The following ZFYVE28 variants were observed in gnomAD, a reference collection of about 807,000 sequenced individuals.
ZFYVE28 encodes the protein lateral signaling target protein 2 homolog.
ZFYVE28 carries 40 observed loss-of-function variants against 82.1 expected under a neutral mutation model. The ratio of observed to expected loss-of-function variants is 0.49; its 90% CI spans 0.38 to 0.63. The LOEUF is 0.63. Among genes scored for constraint, ZFYVE28 ranks in the 30% least tolerant of loss-of-function variants. The pLI is 0.00. For missense variants in ZFYVE28, 1,321 were observed against 1,242.1 expected (o/e 1.06, Z -0.96); for synonymous variants, 612 against 546.1 (o/e 1.12, Z -1.68).
At chr4:2,382,983 G>A (rs931109387) in intron 1 of ZFYVE28, among the ~76,000 whole-genome samples, 2 of 152,064 alleles carry the variant, frequency 1.3e-5, no homozygotes, top group Admixed American at 6.5e-5. Flanking sequence ...GAAAAGCATG[G>A]GAAAGGCCAG....
At chr4:2,399,598 G>A (rs180942660) in intron 1 of ZFYVE28, among the ~76,000 whole-genome samples, 2 of 152,302 alleles carry the variant, frequency 1.3e-5, no homozygotes, top group African/African-American at 4.8e-5. Flanking sequence ...GAATGAATAC[G>A]TGACTGTTTT....
chr4:2,411,594 G>C (rs1243001500), intron 1 of ZFYVE28, among the ~76,000 whole-genome samples: 1 of 152,180 alleles, frequency 6.6e-6, no homozygotes. Context: ...TTTGCCTGAC[G>C]CATACGGGTG....
intron 7 of ZFYVE28, among the ~76,000 whole-genome samples, chr4:2,305,967 G>C (rs888655113): frequency 6.6e-6 from 1 of 152,230 alleles, no homozygotes; most frequent in East Asian, 1.9e-4. Flanking sequence ...ACCAGGACAC[G>C]AGGAAGAAGG....
At chr4:2,314,019 T>TTGGATTTG (rs1560189887) in intron 7 of ZFYVE28, among the ~76,000 whole-genome samples, 1 of 152,208 alleles carries the variant, frequency 6.6e-6, no homozygotes, top group Non-Finnish European at 1.5e-5. Context: ...CCTGCTGGTT[T>TTGGATTTG]TGGATTTGTC....
At chr4:2,274,281 G>T in intron 8 of ZFYVE28, 65 bp from the exon 9 acceptor site, 1 of 1,556,230 alleles carries the variant, frequency 6.4e-7, no homozygotes, top group South Asian at 1.2e-5. Flanking sequence ...GAGCCCGAAG[G>T]TCACTGGTCA....
At chr4:2,380,798 G>C (rs1728654336) in intron 1 of ZFYVE28, among the ~76,000 whole-genome samples, 1 of 152,202 alleles carries the variant, frequency 6.6e-6, no homozygotes, top group Non-Finnish European at 1.5e-5. Flanking sequence ...CATGTAAGAA[G>C]TGCCTTTTGC....
At chr4:2,340,496 A>T (rs572138321) in intron 3 of ZFYVE28, among the ~76,000 whole-genome samples, 13 of 152,208 alleles carry the variant, frequency 8.5e-5, no homozygotes, top group Non-Finnish European at 1.8e-4. Flanking sequence ...CAAGTGATGC[A>T]GGACAAGAAG....
chr4:2,313,209 G>A (rs530808804), intron 7 of ZFYVE28, among the ~76,000 whole-genome samples: 19 of 149,666 alleles, frequency 1.3e-4, no homozygotes, highest in African/African-American at 4.7e-4. Context: ...GTTTCTTTAC[G>A]GTCTGTCATA....
intron 1 of ZFYVE28, among the ~76,000 whole-genome samples, chr4:2,363,326 C>A (rs1458732059): frequency 6.6e-6 from 1 of 152,132 alleles, no homozygotes; most frequent in Admixed American, 6.5e-5. Flanking sequence ...GACGCGGCAT[C>A]CAGAGATAGG....
intron 8 of ZFYVE28, among the ~76,000 whole-genome samples, chr4:2,299,636 GA>G (rs1162257837): frequency 0.05 from 2 of 40 alleles, no homozygotes; most frequent in East Asian, 0.5. Flanking sequence ...GAAGGGAAGG[GA>G]AGGGAGGGGA....
At chr4:2,364,804 CTG>C (rs1010243818) in intron 1 of ZFYVE28, 1 of 985,468 alleles carries the variant, frequency 1.0e-6, no homozygotes, top group African/African-American at 1.7e-5. Flanking sequence ...GAGCGGGTGA[CTG>C]GGAATGGCGG....
chr4:2,294,191 A>G (rs1187099932), intron 8 of ZFYVE28, among the ~76,000 whole-genome samples: 2 of 152,168 alleles, frequency 1.3e-5, no homozygotes, highest in Non-Finnish European at 2.9e-5. Context: ...TGCACTTCCA[A>G]CTAAGGCTTA....
chr4:2,284,852 A>G (rs1040162113), intron 8 of ZFYVE28, among the ~76,000 whole-genome samples: 1 of 152,060 alleles, frequency 6.6e-6, no homozygotes, highest in African/African-American at 2.4e-5. Flanking sequence ...CAGCAGGTAG[A>G]CCCCTCTTCT....
At chr4:2,392,571 C>G in intron 1 of ZFYVE28, among the ~76,000 whole-genome samples, 1 of 152,212 alleles carries the variant, frequency 6.6e-6, no homozygotes, top group African/African-American at 2.4e-5. Flanking sequence ...TCATCCTCTA[C>G]AGTGAATAAA....
chr4:2,345,907 G>T (rs566304401), intron 2 of ZFYVE28, among the ~76,000 whole-genome samples: 40 of 152,104 alleles, frequency 2.6e-4, no homozygotes, highest in African/African-American at 9.6e-4. Context: ...TATTAAGGGG[G>T]AAAAAATATC....
intron 1 of ZFYVE28, among the ~76,000 whole-genome samples, chr4:2,402,659 A>G (rs957543427): frequency 6.6e-6 from 1 of 152,158 alleles, no homozygotes; most frequent in Non-Finnish European, 1.5e-5. Context: ...AACAACACTC[A>G]CACAGATGCC....
rs1044977943 is a variant in ZFYVE28, at chr4:2,334,930, C to T, written c.701+775G>A. ...TCACTCCTCCGCCCCCGTGACCATC[C>T]GCCTGGCAGGGGCATGGGGAATCCC... On this transcript the variant is annotated intron_variant, in intron 6 of 12. Transcript: ENST00000290974. Among the ~76,000 whole-genome samples the T allele has an allele frequency of 1.0e-4, 15 of 148,278 alleles. 1 individual carries two copies. Among genetic ancestry groups the T allele is most frequent in the African/African-American group, 2.9e-4 (12 of 40,756 alleles).
At chr4:2,410,454 C>CTTTTTTTTT (rs11358765) in intron 1 of ZFYVE28, among the ~76,000 whole-genome samples, 1 of 119,338 alleles carries the variant, frequency 8.4e-6, no homozygotes, top group African/African-American at 3.2e-5. Context: ...TCCTCCCTTT[C>CTTTTTTTTT]TTTTTTTTTT....
intron 6 of ZFYVE28, chr4:2,330,574 GCAT>G (rs1238288241): frequency 7.8e-5 from 95 of 1,222,976 alleles, no homozygotes; most frequent in Non-Finnish European, 9.7e-5. Flanking sequence ...GAATGGGATA[GCAT>G]GGAGAATGGG....
Sources: gnomAD v4.1 joint callset for allele counts (sites outside exome capture counted in the v4.1 genomes callset) on GRCh38, gnomAD v4.1.1 for gene constraint, MANE v1.5 for transcripts, NCBI Gene and HGNC (gene_info 2026-07-23, HGNC 2026-07-21) for gene names.